SLC11A2: variants seen among roughly 807,000 people sequenced by gnomAD.
SLC11A2 encodes the protein natural resistance-associated macrophage protein 2.
A neutral mutation model predicts 68.0 loss-of-function variants in SLC11A2; 38 were observed. The observed-to-expected ratio is 0.56, with a 90% confidence interval of 0.43 to 0.73. The LOEUF is 0.73. SLC11A2 is among the 30% of genes least tolerant of loss of function. SLC11A2 has a pLI of 0.00. For missense variants in SLC11A2, 517 were observed against 690.5 expected (o/e 0.75, Z 2.82); for synonymous variants, 242 against 250.6 (o/e 0.97, Z 0.32).
chr12:50,977,706 G>A (rs572653536), downstream of SLC11A2, among the ~76,000 whole-genome samples: 200 of 152,172 alleles, frequency 1.3e-3, 1 homozygote, highest in African/African-American at 4.2e-3. Context: ...AGAGTGAACA[G>A]GCAACCTACA....
intron 1 of SLC11A2, among the ~76,000 whole-genome samples, chr12:51,015,229 A>G (rs1943551692): frequency 6.7e-6 from 1 of 149,428 alleles, no homozygotes; most frequent in Non-Finnish European, 1.5e-5. Context: ...TAATCCCAGC[A>G]CTTTGGGAGG....
Position 50,996,828 on chromosome 12 carries a change from C to A in SLC11A2, c.820G>T (p.Ala274Ser). The A allele has an allele frequency of 6.2e-7, 1 of 1,614,070 alleles. No individual in the cohort carries two copies. Among genetic ancestry groups the A allele is most frequent in the Non-Finnish European group, 8.5e-7 (1 of 1,180,004 alleles). The change falls in exon 9 of 16, where the codon GCC becomes TCC. Residue 274 changes from alanine to serine, a missense_variant. Transcript: ENST00000262052. ...IMPHNMYLHS[A>S]LVKSRQVNRN... is the part of the protein sequence containing the mutation. The stretch of plus-strand genomic sequence containing the variant: ...AGGGCCTTGCTCACCTTGACTAAGG[C>A]AGAATGCAGGTACATGTTGTGTGGC...
chr12:51,005,424 TA>T lies in SLC11A2; in HGVS notation c.195del (p.Phe65LeufsTer16). 2 of 1,613,826 alleles carry T rather than the reference TA, an allele frequency of 1.2e-6. No homozygotes were observed. The highest frequency in any genetic ancestry group is 1.7e-6 in the Non-Finnish European group (2 of 1,179,846). On this transcript the variant is annotated frameshift_variant, in exon 4 of 16. Transcript: ENST00000262052. LOFTEE classifies it high-confidence loss of function. Reference protein sequence around the residue: ...ISIPEEEYSCFSFRKLWAFTG... With the variant: ...ISIPEEEYSCXSFRKLWAFTG... Reference sequence around the variant, plus strand: ...GTGAAAGCCCAGAGTTTACGAAAGCTAAAACAAGAGTACTGTACAAGAGAGG... The same window carrying T: ...GTGAAAGCCCAGAGTTTACGAAAGCTAAACAAGAGTACTGTACAAGAGAGG...
downstream of SLC11A2, among the ~76,000 whole-genome samples, chr12:50,982,406 A>G (rs1315796133): frequency 1.3e-5 from 2 of 152,134 alleles, no homozygotes; most frequent in Non-Finnish European, 2.9e-5. Flanking sequence ...TGGGCGGATC[A>G]TGAGGTCAGG....
At chr12:50,996,559 GAGTGAGACTCCATCTCAATTTA>G (rs1301299019) in intron 9 of SLC11A2, among the ~76,000 whole-genome samples, 2 of 148,864 alleles carry the variant, frequency 1.3e-5, no homozygotes, top group East Asian at 3.9e-4. Flanking sequence ...CTGGGCAATA[GAGTGAGACTCCATCTCAATTTA>G]AAAAAAAAAA....
At chr12:50,992,722 C>G in intron 12 of SLC11A2, 88 bp downstream of exon 12, 1 of 1,388,326 alleles carries the variant, frequency 7.2e-7, no homozygotes, top group Non-Finnish European at 9.9e-7. Flanking sequence ...ACGAGTGAGA[C>G]TCCATCTCAA....
At chr12:51,010,523 A>AT (rs1943131025) in intron 2 of SLC11A2, among the ~76,000 whole-genome samples, 172 bp downstream of exon 2, 4 of 151,954 alleles carry the variant, frequency 2.6e-5, no homozygotes, top group African/African-American at 7.2e-5. Flanking sequence ...CAAAAAAAAA[A>AT]AAAAAATCCA....
chr12:50,965,847 T>G, the SLC11A2 span, among the ~76,000 whole-genome samples: 1 of 152,210 alleles, frequency 6.6e-6, no homozygotes, highest in Non-Finnish European at 1.5e-5. Flanking sequence ...GAACATGGTC[T>G]TTCCTTAAGG....
At chr12:50,996,720 G>A in intron 9 of SLC11A2, 97 bp downstream of exon 9, 1 of 1,251,266 alleles carries the variant, frequency 8.0e-7, no homozygotes, top group Non-Finnish European at 1.2e-6. Flanking sequence ...CTCCTTCATG[G>A]TCCTAATAAT....
chr12:50,961,595 A>G, the SLC11A2 span, among the ~76,000 whole-genome samples: 1 of 152,190 alleles, frequency 6.6e-6, no homozygotes, highest in Non-Finnish European at 1.5e-5. Flanking sequence ...TTATTAGTCC[A>G]TAAATTAAGC....
chr12:51,016,911 G>T (rs1943705438), intron 1 of SLC11A2, among the ~76,000 whole-genome samples: 1 of 149,314 alleles, frequency 6.7e-6, no homozygotes. Context: ...GTCCCGGGAG[G>T]CTAAGGTGGG....
At chr12:51,027,281 G>A (rs914977210), upstream of SLC11A2, among the ~76,000 whole-genome samples, 1 of 152,096 alleles carries the variant, frequency 6.6e-6, no homozygotes, top group African/African-American at 2.4e-5. Flanking sequence ...GGAGGCTGCG[G>A]TGAGACAAGA....
At chr12:50,958,393 T>C in the SLC11A2 span, among the ~76,000 whole-genome samples, 2 of 151,044 alleles carry the variant, frequency 1.3e-5, no homozygotes, top group African/African-American at 4.9e-5. Flanking sequence ...ACCATTCTCC[T>C]GTCTCAGCCT....
chr12:50,968,649 C>T, the SLC11A2 span, among the ~76,000 whole-genome samples: 1 of 152,118 alleles, frequency 6.6e-6, no homozygotes, highest in Admixed American at 6.6e-5. Flanking sequence ...TCAAGTGATT[C>T]TCCTCACTTT....
chr12:51,011,257 T>C (rs1943198173), intron 1 of SLC11A2, among the ~76,000 whole-genome samples: 1 of 151,230 alleles, frequency 6.6e-6, no homozygotes, highest in African/African-American at 2.4e-5. Context: ...GCCTCCCGAG[T>C]AGCTGGGATT....
upstream of SLC11A2, chr12:51,028,648 T>A (rs1944472231): frequency 5.9e-6 from 1 of 168,186 alleles, no homozygotes; most frequent in Admixed American, 6.2e-5. Context: ...AGGACTCTGC[T>A]CCTCTGAGAC....
At chr12:50,965,682 A>G in the SLC11A2 span, among the ~76,000 whole-genome samples, 1 of 152,170 alleles carries the variant, frequency 6.6e-6, no homozygotes, top group East Asian at 1.9e-4. Flanking sequence ...TCATTCTACC[A>G]AAGTATGGAT....
upstream of SLC11A2, chr12:51,026,540 GCGGCGGCCCCTGGGGCACC>G (rs1265230573): frequency 1.1e-5 from 4 of 352,062 alleles, no homozygotes; most frequent in South Asian, 4.2e-5. Context: ...CCTGGGGCAC[GCGGCGGCCCCTGGGGCACC>G]CGGCGGGAGC....
At chr12:50,991,870 T>A (rs1295584069) in intron 13 of SLC11A2, among the ~76,000 whole-genome samples, 198 bp from the exon 14 acceptor site, 1 of 152,252 alleles carries the variant, frequency 6.6e-6, no homozygotes, top group East Asian at 1.9e-4. Flanking sequence ...AACCTTTGTA[T>A]GTGACTTGTC....
Sources: allele counts gnomAD v4.1 joint callset (sites outside exome capture counted in the v4.1 genomes callset), GRCh38; gene constraint gnomAD v4.1.1; transcripts MANE v1.5; gene names NCBI Gene and HGNC (gene_info 2026-07-23, HGNC 2026-07-21).